ATP2B2: variants seen among roughly 807,000 people sequenced by gnomAD.
The protein encoded by ATP2B2 is plasma membrane calcium-transporting ATPase 2.
ATP2B2 carries 15 observed loss-of-function variants against 120.0 expected under a neutral mutation model. The ratio of observed to expected loss-of-function variants is 0.12; its 90% CI spans 0.08 to 0.19. The LOEUF (loss-of-function observed/expected upper bound fraction) is 0.19. ATP2B2 is among the 10% of genes least tolerant of loss of function. ATP2B2 has a pLI of 1.00. For synonymous variants in ATP2B2, 694 were observed against 700.3 expected (o/e 0.99, Z 0.14); for missense variants, 1,045 against 1,719.8 (o/e 0.61, Z 6.94).
intron 1 of ATP2B2, among the ~76,000 whole-genome samples, chr3:10,465,574 G>C (rs1291057989): frequency 1.3e-5 from 2 of 152,282 alleles, no homozygotes; most frequent in East Asian, 1.9e-4. Context: ...TTTAGGTTTT[G>C]GGTTTAAGAT....
chr3:10,522,621 G>C (rs2067007180), intron 3 of ATP2B2, among the ~76,000 whole-genome samples: 2 of 152,228 alleles, frequency 1.3e-5, no homozygotes, highest in African/African-American at 2.4e-5. Flanking sequence ...CTGCTAAAAT[G>C]TGCTGAATCC....
chr3:10,328,581 G>A lies in ATP2B2; in HGVS notation c.*233C>T, dbSNP rs1344361875. 2.1e-5 allele frequency: 12 copies of A among 560,322 alleles called. No homozygotes were observed. Among genetic ancestry groups the A allele is most frequent in the African/African-American group, 7.6e-5 (4 of 52,914 alleles). The allele number at this position is 560,322 out of a possible 1,614,324, so 34.7% of individuals were successfully genotyped here. A position where few individuals can be genotyped will look rare whatever the true frequency, so the allele number is the denominator to read the frequency against. On this transcript the variant is annotated 3_prime_UTR_variant, in exon 23 of 23. Transcript: ENST00000360273. ...TGTTTTGGGAAAACCGCTCACTCCC[G>A]TAAGCCCCCAGTGGAGATCCCGCCC...
chr3:10,607,820 G>A (rs143643584), intron 2 of ATP2B2, among the ~76,000 whole-genome samples: 1 of 152,298 alleles, frequency 6.6e-6, no homozygotes, highest in Non-Finnish European at 1.5e-5. Flanking sequence ...TGATAAATCT[G>A]GCATTGACTC....
chr3:10,391,645 C>T (rs2061853551), intron 5 of ATP2B2, among the ~76,000 whole-genome samples: 1 of 152,126 alleles, frequency 6.6e-6, no homozygotes, highest in Admixed American at 6.5e-5. Flanking sequence ...CTGGAGATGC[C>T]CCAGGGTGTC....
At chr3:10,467,861 C>T (rs538471413) in intron 1 of ATP2B2, among the ~76,000 whole-genome samples, 2 of 152,292 alleles carry the variant, frequency 1.3e-5, no homozygotes, top group South Asian at 4.1e-4. Context: ...CTTGTCTCCA[C>T]CTTTTCCCCA....
At chr3:10,670,061 T>C (rs2071054680) in intron 1 of ATP2B2, among the ~76,000 whole-genome samples, 1 of 152,150 alleles carries the variant, frequency 6.6e-6, no homozygotes, top group South Asian at 2.1e-4. Context: ...GATTTGAGAA[T>C]TTGAGAGGCA....
chr3:10,365,275 A>T (rs1001776660), intron 12 of ATP2B2, among the ~76,000 whole-genome samples: 6 of 152,242 alleles, frequency 3.9e-5, no homozygotes, highest in Non-Finnish European at 5.9e-5. Flanking sequence ...CACCAATGCC[A>T]TAGGGCCTCC....
chr3:10,341,011 A>G (rs2060259960), intron 19 of ATP2B2, among the ~76,000 whole-genome samples: 1 of 152,166 alleles, frequency 6.6e-6, no homozygotes, highest in Non-Finnish European at 1.5e-5. Flanking sequence ...GCTTCTAAAA[A>G]GTGACCTCAG....
intron 1 of ATP2B2, among the ~76,000 whole-genome samples, chr3:10,500,896 G>A (rs1559418633): frequency 6.6e-6 from 1 of 152,216 alleles, no homozygotes; most frequent in Admixed American, 6.5e-5. Context: ...ACCCCAAGGG[G>A]CAGTGGGCAG....
intron 3 of ATP2B2, among the ~76,000 whole-genome samples, chr3:10,514,753 C>T (rs942987064): frequency 2.0e-5 from 3 of 152,216 alleles, no homozygotes; most frequent in Non-Finnish European, 4.4e-5. Context: ...CATAGGCTCT[C>T]CAAGGAGGCC....
At chr3:10,699,678 G>A (rs1416776386) in intron 1 of ATP2B2, among the ~76,000 whole-genome samples, 1 of 152,172 alleles carries the variant, frequency 6.6e-6, no homozygotes, top group Non-Finnish European at 1.5e-5. Flanking sequence ...AATCCCCAAT[G>A]CAACAGTGTT....
rs58615119 is a variant in ATP2B2 at position 10,382,197 on chromosome 3, AT to A, written c.1001-2914del. On this transcript the variant is annotated intron_variant, in intron 8 of 22. Transcript: ENST00000360273. ...TGTGCCACTATACCCAGCTAATTAA[AT>A]TTTTTTTTTTTTTTTTTTGTAGAGA... Among the ~76,000 whole-genome samples the A allele has an allele frequency of 7.1e-3, 868 of 122,270 alleles. 6 individuals carry two copies. The highest frequency in any genetic ancestry group is 0.037 in the East Asian group (146 of 3,930). 80.2% of individuals were successfully genotyped at this position (122,270 alleles called of 152,430 possible). A position where few individuals can be genotyped will look rare whatever the true frequency, so the allele number is the denominator to read the frequency against.
intron 22 of ATP2B2, among the ~76,000 whole-genome samples, chr3:10,335,004 C>T (rs532579739): frequency 5.3e-5 from 8 of 152,274 alleles, no homozygotes; most frequent in Middle Eastern, 3.4e-3. Context: ...CATAGCAGGG[C>T]GATGGGAGGA....
intron 2 of ATP2B2, among the ~76,000 whole-genome samples, chr3:10,609,808 G>C (rs1346384136): frequency 6.6e-6 from 1 of 152,100 alleles, no homozygotes; most frequent in African/African-American, 2.4e-5. Context: ...TAAGGGGCTG[G>C]GGCACTGCAG....
intron 2 of ATP2B2, among the ~76,000 whole-genome samples, chr3:10,437,622 T>C (rs1250787387): frequency 6.6e-6 from 1 of 152,262 alleles, no homozygotes; most frequent in African/African-American, 2.4e-5. Flanking sequence ...GTCCTGTTCA[T>C]GTCCCCACTT....
At chr3:10,438,280 G>A (rs1203345353) in intron 2 of ATP2B2, among the ~76,000 whole-genome samples, 1 of 152,214 alleles carries the variant, frequency 6.6e-6, no homozygotes, top group Non-Finnish European at 1.5e-5. Flanking sequence ...GCTGGGGTGT[G>A]CTGAAGGGGG....
At chr3:10,537,280 A>G (rs2067339727) in intron 2 of ATP2B2, among the ~76,000 whole-genome samples, 1 of 152,196 alleles carries the variant, frequency 6.6e-6, no homozygotes, top group Admixed American at 6.5e-5. Flanking sequence ...TTTTGATAGA[A>G]ATTGCACAGA....
At chr3:10,501,152 G>A (rs1308185073) in intron 1 of ATP2B2, among the ~76,000 whole-genome samples, 3 of 152,126 alleles carry the variant, frequency 2.0e-5, no homozygotes, top group African/African-American at 7.2e-5. Flanking sequence ...TCCTGGTCCT[G>A]CCAGCCGTGG....
At chr3:10,350,005 G>A (rs2060532145) in intron 16 of ATP2B2, 107 bp downstream of exon 16, 5 of 1,162,078 alleles carry the variant, frequency 4.3e-6, no homozygotes, top group South Asian at 2.7e-5. Flanking sequence ...AGTCAGGGGC[G>A]AGGGGCCCTT....
Sources: gnomAD v4.1 joint callset for allele counts (sites outside exome capture counted in the v4.1 genomes callset) on GRCh38, gnomAD v4.1.1 for gene constraint, MANE v1.5 for transcripts, NCBI Gene and HGNC (gene_info 2026-07-23, HGNC 2026-07-21) for gene names.